The following CHD2 variants were observed in gnomAD, a reference collection of about 807,000 sequenced individuals.
CHD2 encodes chromodomain helicase DNA binding protein 2.
In CHD2, 28 loss-of-function variants were observed where a neutral mutation model predicts 243.9. That is an observed-to-expected ratio of 0.11 (90% CI 0.09 to 0.16). The LOEUF (loss-of-function observed/expected upper bound fraction) is 0.16. Ranked by LOEUF, CHD2 falls within the 10% of genes least tolerant of loss-of-function variation. The probability of loss-of-function intolerance (pLI) is 1.00; values close to 1 mark genes in which losing one functional copy is unlikely to be tolerated. For synonymous variants in CHD2, 775 were observed against 779.0 expected (o/e 0.99, Z 0.09); for missense variants, 1,386 against 2,209.8 (o/e 0.63, Z 7.47).
intron 2 of CHD2, among the ~76,000 whole-genome samples, chr15:92,923,786 G>T (rs1014329894): frequency 6.6e-6 from 1 of 151,854 alleles, no homozygotes; most frequent in Non-Finnish European, 1.5e-5. Flanking sequence ...GGATGCTCTC[G>T]ATCTCCTGAC....
chr15:92,955,561 C>A, intron 15 of CHD2, 49 bp downstream of exon 15: 1 of 1,213,894 alleles, frequency 8.2e-7, no homozygotes, highest in Non-Finnish European at 1.2e-6. Flanking sequence ...TGCGACTTGT[C>A]CAGATGGTAG....
intron 15 of CHD2, 30 bp downstream of exon 15, chr15:92,955,542 CTTT>C (rs1215411690): frequency 1.4e-6 from 2 of 1,426,354 alleles, no homozygotes; most frequent in Non-Finnish European, 1.9e-6. Context: ...AAGGCTAAAT[CTTT>C]TCCAGTGCGA....
intron 16 of CHD2, among the ~76,000 whole-genome samples, chr15:92,963,748 T>C (rs536040314): frequency 1.4e-3 from 206 of 152,324 alleles, no homozygotes; most frequent in African/African-American, 4.8e-3. Context: ...CGAAGATCAA[T>C]AGCAAATCTT....
chr15:92,998,436 TA>T lies in CHD2; in HGVS notation c.3886-62del. 1 of 1,605,546 alleles carries T rather than the reference TA, an allele frequency of 6.2e-7. No homozygotes were observed. The highest frequency in any genetic ancestry group is 8.5e-7 in the Non-Finnish European group (1 of 1,174,604). Reference sequence around the variant, plus strand: ...GTGCTCAGTTTTTGTTGTCTCTGTTTATCCTGATCCACTAACCAGGATGTGG... The same window carrying T: ...GTGCTCAGTTTTTGTTGTCTCTGTTTTCCTGATCCACTAACCAGGATGTGG... On this transcript the variant is annotated intron_variant, in intron 30 of 38. Transcript: ENST00000394196. This position sits in a 1 kb window ranked among gnomAD's most constrained non-coding sequence, Gnocchi z 5.1.
chr15:93,008,694 G>C (rs2054353084), intron 34 of CHD2, among the ~76,000 whole-genome samples: 1 of 152,168 alleles, frequency 6.6e-6, no homozygotes, highest in Non-Finnish European at 1.5e-5. Context: ...GAGAAAAGAT[G>C]CTTGTGTTCT....
rs2053845206 is a variant in CHD2 at position 92,971,745 on chromosome 15, A to G, written c.2190-20A>G. ...CTGTTTTTTTGTATCTAGTAGTATC[A>G]TTATCATTTTAATTTGCAGGTGGAT... On this transcript the variant is annotated intron_variant, in intron 17 of 38. Coordinates refer to ENST00000394196, the MANE Select transcript of CHD2 (RefSeq NM_001271.4). The G allele has an allele frequency of 1.2e-6, 2 of 1,607,688 alleles. No homozygotes were observed. Among genetic ancestry groups the G allele is most frequent in the Non-Finnish European group, 1.7e-6 (2 of 1,177,136 alleles).
In CHD2 at chr15:92,967,468, A is replaced by G; in HGVS notation, c.2144A>G (p.Gln715Arg). Residue 715 changes from glutamine to arginine, a missense_variant, in exon 17 of 39, where the codon CAG (glutamine) becomes CGG (arginine). Around this residue, in one of 19 missense-constraint regions of CHD2, gnomAD observed 118 missense variants for 266.3 expected, o/e 0.44. Coordinates refer to ENST00000394196, the MANE Select transcript of CHD2 (RefSeq NM_001271.4). ...VEKSLPAKVE[Q>R]ILRVEMSALQ... Reference sequence around the variant, plus strand: ...AAATCCCTTCCTGCTAAAGTGGAACAGATTCTCAGGGTGGAGATGTCAGCC... The same window carrying G: ...AAATCCCTTCCTGCTAAAGTGGAACGGATTCTCAGGGTGGAGATGTCAGCC... 6.2e-7 allele frequency: 1 copy of G among 1,614,042 alleles called. No homozygotes were observed. Among genetic ancestry groups the G allele is most frequent in the Admixed American group, 1.7e-5 (1 of 60,020 alleles).
chr15:92,951,408 T>G (rs1446364951), intron 13 of CHD2, among the ~76,000 whole-genome samples: 1 of 152,136 alleles, frequency 6.6e-6, no homozygotes, highest in Non-Finnish European at 1.5e-5. Context: ...TGACCTCAAG[T>G]GATCTGCCTG....
chr15:92,916,353 A>G (rs540996828), intron 2 of CHD2, among the ~76,000 whole-genome samples: 1 of 152,256 alleles, frequency 6.6e-6, no homozygotes, highest in Non-Finnish European at 1.5e-5. Context: ...ATTTACAGAC[A>G]TAATTCAGCC....
rs1270957150 is a variant in CHD2 at position 92,905,045 on chromosome 15, C to T, written c.62+3746C>T. 4.0e-6 allele frequency: 6 copies of T among 1,501,206 alleles called. No individual in the cohort carries two copies. The East Asian group carries it at 9.9e-5, about 25-fold the overall frequency. The allele number at this position is 1,501,206 out of a possible 1,614,324, so 93.0% of individuals were successfully genotyped here. ...CTAAGTACTATATATTTAAGATTCA[C>T]AGTGGGATAGTTTAGTAGAAAATAG... is the stretch of plus-strand genomic sequence containing the variant. On this transcript the variant is annotated intron_variant, in intron 2 of 38. Coordinates refer to ENST00000394196, the MANE Select transcript of CHD2 (RefSeq NM_001271.4).
intron 5 of CHD2, among the ~76,000 whole-genome samples, chr15:92,933,549 T>C (rs1391134148): frequency 1.3e-5 from 2 of 152,246 alleles, no homozygotes; most frequent in Non-Finnish European, 2.9e-5. Context: ...CTTAATGTTA[T>C]CCAAATTGCG....
rs565400776 is a variant in CHD2 at position 92,930,459 on chromosome 15, G to A, written c.443+1368G>A. On this transcript the variant is annotated intron_variant, in intron 5 of 38. Coordinates refer to ENST00000394196, the MANE Select transcript of CHD2 (RefSeq NM_001271.4). ...TTGTTTTGTTTTGTTTTGAGACAGGGTCTCACTCTGTTGCTCAGGCTGGAG... is the reference window on the plus strand; with the variant it reads ...TTGTTTTGTTTTGTTTTGAGACAGGATCTCACTCTGTTGCTCAGGCTGGAG... Among the ~76,000 whole-genome samples, 233 of 152,176 alleles carry A rather than the reference G, an allele frequency of 1.5e-3. 1 individual carries two copies. The highest frequency in any genetic ancestry group is 2.6e-3 in the Non-Finnish European group (176 of 68,030).
chr15:92,944,356 T>C, intron 9 of CHD2, 59 bp from the exon 10 acceptor site: 1 of 925,388 alleles, frequency 1.1e-6, no homozygotes, highest in Admixed American at 1.9e-5. Flanking sequence ...TTTGCTTTGA[T>C]GTATGTGGAT....
At chr15:92,981,495 A>G in intron 24 of CHD2, 38 bp downstream of exon 24, 1 of 1,500,938 alleles carries the variant, frequency 6.7e-7, no homozygotes, top group East Asian at 2.3e-5. Flanking sequence ...CTCAGCATTG[A>G]TTCATTAATG....
chr15:92,953,838 G>C (rs2053583765), intron 14 of CHD2: 1 of 410,762 alleles, frequency 2.4e-6, no homozygotes, highest in Admixed American at 4.0e-5. Context: ...TCTTCTCTCT[G>C]CCCTTTTTAC....
intron 4 of CHD2, among the ~76,000 whole-genome samples, chr15:92,928,489 A>G (rs1203208195): frequency 8.4e-6 from 1 of 119,200 alleles, no homozygotes; most frequent in Non-Finnish European, 1.9e-5. Flanking sequence ...TCATGAGTGA[A>G]CATACTCTTA....
intron 22 of CHD2, among the ~76,000 whole-genome samples, chr15:92,980,347 C>T (rs941114276): frequency 2.0e-5 from 3 of 151,514 alleles, no homozygotes; most frequent in African/African-American, 7.3e-5. Context: ...AGGTGTGAGC[C>T]ATTGTGCCCG....
At chr15:92,921,954 A>G (rs577935484) in intron 2 of CHD2, among the ~76,000 whole-genome samples, 51 of 152,278 alleles carry the variant, frequency 3.3e-4, no homozygotes, top group African/African-American at 1.2e-3. Context: ...TCACAGGTAT[A>G]AAGTAAATGA....
intron 37 of CHD2, among the ~76,000 whole-genome samples, chr15:93,016,012 T>G (rs1211553281): frequency 1.3e-5 from 2 of 152,190 alleles, no homozygotes; most frequent in Non-Finnish European, 2.9e-5. Context: ...CAGGTATATA[T>G]TCAACGAAAA....
Sources: gnomAD v4.1 joint callset for allele counts (sites outside exome capture counted in the v4.1 genomes callset) on GRCh38, gnomAD v4.1.1 for gene constraint, gnomAD v4.1.1 regional missense constraint, Gnocchi (gnomAD v3.1) non-coding constraint, MANE v1.5 for transcripts, NCBI Gene and HGNC (gene_info 2026-07-23, HGNC 2026-07-21) for gene names.